HSPA12A: variants seen among roughly 807,000 people sequenced by gnomAD.
The protein encoded by HSPA12A is heat shock 70 kDa protein 12A.
A neutral mutation model predicts 69.2 loss-of-function variants in HSPA12A; 28 were observed. The observed-to-expected ratio is 0.40, with a 90% CI of 0.30 to 0.55. HSPA12A has a LOEUF of 0.55. Among genes scored for constraint, HSPA12A ranks in the 20% least tolerant of loss-of-function variants. HSPA12A has a pLI of 0.38. For synonymous variants in HSPA12A, 345 were observed against 370.5 expected (o/e 0.93, Z 0.79); for missense variants, 686 against 900.7 (o/e 0.76, Z 3.05).
At chr10:116,812,091 G>A (rs1309568972) in intron 2 of HSPA12A, among the ~76,000 whole-genome samples, 1 of 152,162 alleles carries the variant, frequency 6.6e-6, no homozygotes, top group Non-Finnish European at 1.5e-5. Context: ...GGGAAAAGTG[G>A]CCCTTTACCT....
At chr10:116,846,144 C>G (rs546508895) in intron 1 of HSPA12A, among the ~76,000 whole-genome samples, 1 of 152,254 alleles carries the variant, frequency 6.6e-6, no homozygotes, top group East Asian at 1.9e-4. Flanking sequence ...ATGACAGAAG[C>G]TGACTGGGAT....
At chr10:116,755,805 C>CAAAAAAAA (rs11286178) in intron 2 of HSPA12A, among the ~76,000 whole-genome samples, 1 of 123,394 alleles carries the variant, frequency 8.1e-6, no homozygotes, top group Non-Finnish European at 1.7e-5. Flanking sequence ...CCATCTCTAC[C>CAAAAAAAA]AAAAAAAAAA....
In HSPA12A at chr10:116,681,249, C is replaced by A. The variant is rs1554878564; in HGVS notation, c.930G>T (p.Lys310Asn). 1.2e-6 allele frequency: 2 copies of A among 1,613,764 alleles called. No individual in the cohort carries two copies. The highest frequency in any genetic ancestry group is 2.7e-5 in the African/African-American group (2 of 74,936). Residue 310 changes from lysine to asparagine, a missense_variant, in exon 9 of 12, where the codon AAG becomes AAT. Transcript: ENST00000369209. ...CACCGCCACTGTCCACAACCACATA[C>A]TTATCACCTGGCACAAAAACAGCCA... is the stretch of plus-strand genomic sequence containing the variant. ...EIWSELEEGD[K>N]YVVVDSGGGT...
intron 2 of HSPA12A, among the ~76,000 whole-genome samples, chr10:116,760,212 A>T (rs1340395179): frequency 3.3e-5 from 5 of 152,126 alleles, no homozygotes; most frequent in Non-Finnish European, 5.9e-5. Flanking sequence ...TGGTAATTAT[A>T]CGAGCTGCCC....
intron 1 of HSPA12A, among the ~76,000 whole-genome samples, chr10:116,725,539 T>A (rs1307988135): frequency 2.0e-5 from 3 of 152,104 alleles, no homozygotes; most frequent in Non-Finnish European, 4.4e-5. Context: ...AGGAATTGTA[T>A]GCATATTCAC....
rs575140488 is a variant in HSPA12A at position 116,686,376 on chromosome 10, C to A, written c.664-2414G>T. ...AGGACCTCCCAGGAGCATAGAAGGT[C>A]CAAGGGGGAAGCTTCCACAAAACGG... On this transcript the variant is annotated intron_variant, in intron 6 of 11. Coordinates refer to ENST00000369209, the MANE Select transcript of HSPA12A (RefSeq NM_025015.3). This position sits in a 1 kb window ranked among gnomAD's most constrained non-coding sequence, Gnocchi z 4.1. 1.2e-4 allele frequency among the ~76,000 whole-genome samples: 19 copies of A among 152,196 alleles called. No individual in the cohort carries two copies. The East Asian group carries it at 2.9e-3, about 23-fold the overall frequency.
At position 116,786,028 on chromosome 10, in the gene HSPA12A, C is replaced by T. The variant is rs573476717; in HGVS notation, c.91+48907G>A. Among the ~76,000 whole-genome samples the T allele has an allele frequency of 4.6e-5, 7 of 152,338 alleles. No individual in the cohort carries two copies. In the South Asian group the frequency reaches 6.2e-4, roughly 14 times the overall value. On this transcript the variant is annotated intron_variant, in intron 2 of 12. Coordinates refer to the HSPA12A transcript ENST00000635765. ...CGTCATGAGGCCTTTGCTGATCTAA[C>T]GCCCACCTGTGCACTGGGAATCTTT...
intron 2 of HSPA12A, among the ~76,000 whole-genome samples, chr10:116,813,112 T>C (rs562252680): frequency 6.6e-6 from 1 of 151,960 alleles, no homozygotes; most frequent in African/African-American, 2.4e-5. Context: ...ACTCTCTGGG[T>C]TCGAGTGGAG....
chr10:116,794,523 A>T (rs780563554), intron 2 of HSPA12A, among the ~76,000 whole-genome samples: 1 of 152,202 alleles, frequency 6.6e-6, no homozygotes, highest in Non-Finnish European at 1.5e-5. Context: ...TAAAAAGATA[A>T]TAGTTTTGGC....
intron 2 of HSPA12A, among the ~76,000 whole-genome samples, chr10:116,764,624 G>A (rs1012404973): frequency 1.3e-5 from 2 of 152,234 alleles, no homozygotes; most frequent in East Asian, 3.9e-4. Context: ...TGAAAGGGAT[G>A]GGGATGATGG....
Position 116,675,197 on chromosome 10 carries a change from C to T in HSPA12A, c.1612G>A (p.Gly538Arg), listed in dbSNP as rs1172828492. The change falls in exon 12 of 12, where the codon GGG becomes AGG. Residue 538 changes from glycine (G) to arginine (R), a missense_variant. Gly to Arg is a moderately radical substitution (Grantham distance 125). Coordinates refer to ENST00000369209, the MANE Select transcript of HSPA12A (RefSeq NM_025015.3). This position sits in a 1 kb window ranked among gnomAD's most constrained non-coding sequence, Gnocchi z 5.2. ...IKVRRSPLTYGVGVLNRYVEG... is the reference protein window; with the variant it reads ...IKVRRSPLTYRVGVLNRYVEG... Reference sequence around the variant, plus strand: ...ACGTAGCGGTTCAGCACGCCTACCCCGTAGGTGAGCGGCGACCGGCGCACC... The same window carrying T: ...ACGTAGCGGTTCAGCACGCCTACCCTGTAGGTGAGCGGCGACCGGCGCACC... 7 of 1,613,626 alleles carry T rather than the reference C, an allele frequency of 4.3e-6. No individual in the cohort carries two copies. The highest frequency in any genetic ancestry group is 1.7e-5 in the Admixed American group (1 of 60,002).
intron 1 of HSPA12A, among the ~76,000 whole-genome samples, chr10:116,737,974 C>A (rs565302063): frequency 6.6e-6 from 1 of 152,320 alleles, no homozygotes; most frequent in South Asian, 2.1e-4. Flanking sequence ...CCTGGGGGTG[C>A]CCGCAGTGGC....
intron 1 of HSPA12A, 119 bp from the exon 2 acceptor site, chr10:116,707,404 C>T: frequency 3.9e-6 from 3 of 768,622 alleles, no homozygotes; most frequent in South Asian, 3.1e-5. Flanking sequence ...AGCCAGCTCA[C>T]GAAATGGGCA....
At position 116,686,770 on chromosome 10, in the gene HSPA12A, A is replaced by G. The variant is rs1849586614; in HGVS notation, c.664-2808T>C. Among the ~76,000 whole-genome samples, 1 of 150,696 alleles carries G rather than the reference A, an allele frequency of 6.6e-6. No individual in the cohort carries two copies. The highest frequency in any genetic ancestry group is 6.6e-5 in the Admixed American group (1 of 15,130). On this transcript the variant is annotated intron_variant, in intron 6 of 11. Coordinates refer to ENST00000369209, the MANE Select transcript of HSPA12A (RefSeq NM_025015.3). This position sits in a 1 kb window ranked among gnomAD's most constrained non-coding sequence, Gnocchi z 4.1. ...TCCCACTCCTCATCCCTCTTCCCAC[A>G]CCATAAGTTCCACCCCTCATCCCTC...
At chr10:116,702,270 G>A (rs1206480832) in intron 3 of HSPA12A, among the ~76,000 whole-genome samples, 1 of 152,092 alleles carries the variant, frequency 6.6e-6, no homozygotes, top group African/African-American at 2.4e-5. Context: ...TGCCCAACCA[G>A]GTCCTGGCTC....
At chr10:116,733,290 C>G (rs1244934736) in intron 1 of HSPA12A, among the ~76,000 whole-genome samples, 1 of 152,078 alleles carries the variant, frequency 6.6e-6, no homozygotes, top group Non-Finnish European at 1.5e-5. Flanking sequence ...GCCTTCAGCC[C>G]AAGGAAACAT....
intron 10 of HSPA12A, 53 bp downstream of exon 10, chr10:116,679,450 G>A: frequency 6.3e-7 from 1 of 1,598,756 alleles, no homozygotes; most frequent in Non-Finnish European, 8.5e-7. Flanking sequence ...TCTCCCATCA[G>A]CACGATCCAC....
upstream of HSPA12A, among the ~76,000 whole-genome samples, chr10:116,745,039 A>C (rs1851617810): frequency 1.3e-5 from 2 of 151,980 alleles, no homozygotes; most frequent in African/African-American, 4.8e-5. Context: ...CACAGGCCCC[A>C]CCTGGGGGGT....
chr10:116,684,940 C>A (rs782111968), intron 6 of HSPA12A, among the ~76,000 whole-genome samples: 2 of 152,206 alleles, frequency 1.3e-5, no homozygotes, highest in African/African-American at 2.4e-5. Context: ...CATGGCTGGG[C>A]CTCTAACCAG....
Sources: allele counts gnomAD v4.1 joint callset (sites outside exome capture counted in the v4.1 genomes callset), GRCh38; gene constraint gnomAD v4.1.1; non-coding constraint Gnocchi (gnomAD v3.1); transcripts MANE v1.5; gene names NCBI Gene and HGNC (gene_info 2026-07-23, HGNC 2026-07-21).